The following CLNK variants were observed in gnomAD, a reference collection of about 807,000 sequenced individuals.
The protein encoded by CLNK is cytokine-dependent hematopoietic cell linker.
In CLNK, 74 loss-of-function variants were observed where a neutral mutation model predicts 68.6. The observed-to-expected ratio is 1.08, with a 90% CI of 0.89 to 1.31. The LOEUF (loss-of-function observed/expected upper bound fraction) is 1.31, where lower values mean the gene tolerates loss of function less well. Among genes scored for constraint, CLNK ranks in the 50% most tolerant of loss-of-function variants. CLNK has a pLI of 0.00. For synonymous variants in CLNK, 198 were observed against 172.2 expected (o/e 1.15, Z -1.17); for missense variants, 553 against 515.3 (o/e 1.07, Z -0.71).
chr4:10,608,739 G>A (rs942678992), intron 2 of CLNK, among the ~76,000 whole-genome samples: 6 of 152,176 alleles, frequency 3.9e-5, no homozygotes, highest in African/African-American at 1.4e-4. Context: ...ATTGCATTAG[G>A]CCTTGTCTGA....
intron 16 of CLNK, among the ~76,000 whole-genome samples, 162 bp from the exon 17 acceptor site, chr4:10,508,198 C>A (rs1017672850): frequency 6.6e-6 from 1 of 152,150 alleles, no homozygotes; most frequent in African/African-American, 2.4e-5. Flanking sequence ...TTGGAGAAGC[C>A]CACAGATGCT....
chr4:10,596,509 A>C (rs1721394097), intron 3 of CLNK, among the ~76,000 whole-genome samples: 1 of 152,196 alleles, frequency 6.6e-6, no homozygotes, highest in East Asian at 1.9e-4. Flanking sequence ...GATAATTATA[A>C]TTTTTACAGG....
In CLNK at chr4:10,523,890, T is replaced by G. The variant is rs557714649; in HGVS notation, c.731+1951A>C. ...GAGTACAAAAATTAGCTGGGCATGGTGGCATGTGCCTATAGTTCCAGCTAC... is the reference window on the plus strand; with the variant it reads ...GAGTACAAAAATTAGCTGGGCATGGGGGCATGTGCCTATAGTTCCAGCTAC... On this transcript the variant is annotated intron_variant, in intron 14 of 18. Transcript: ENST00000226951. 5.7e-4 allele frequency: 194 copies of G among 341,202 alleles called. 1 individual carries two copies. The highest frequency in any genetic ancestry group is 4.1e-3 in the African/African-American group (188 of 45,504). The allele number at this position is 341,202 out of a possible 1,614,324, so 21.1% of individuals were successfully genotyped here.
In CLNK at chr4:10,563,373, T is replaced by C. The variant is rs185585409; in HGVS notation, c.399+1298A>G. On this transcript the variant is annotated intron_variant, in intron 7 of 18. Coordinates refer to ENST00000226951, the MANE Select transcript of CLNK (RefSeq NM_052964.4). Reference sequence around the variant, plus strand: ...TTCTGGGATGGTAAATGGAAACAATTTTTTAGAAAGGAAATTTTACAATAC... The same window carrying C: ...TTCTGGGATGGTAAATGGAAACAATCTTTTAGAAAGGAAATTTTACAATAC... Among the ~76,000 whole-genome samples the C allele has an allele frequency of 3.6e-3, 555 of 152,288 alleles. 3 individuals carry two copies. Among genetic ancestry groups the C allele is most frequent in the African/African-American group, 0.012 (517 of 41,556 alleles).
chr4:10,690,799 A>C, the CLNK span, among the ~76,000 whole-genome samples: 3 of 152,168 alleles, frequency 2.0e-5, no homozygotes, highest in South Asian at 6.2e-4. Flanking sequence ...CACTGTCTCC[A>C]TGAGTCCCCT....
chr4:10,714,441 T>C, the CLNK span, among the ~76,000 whole-genome samples: 15 of 152,234 alleles, frequency 9.9e-5, no homozygotes, highest in African/African-American at 3.4e-4. Flanking sequence ...CCTATTTTCC[T>C]ACAAACTTCT....
At chr4:10,719,682 G>T in the CLNK span, among the ~76,000 whole-genome samples, 3 of 152,096 alleles carry the variant, frequency 2.0e-5, no homozygotes, top group Non-Finnish European at 4.4e-5. Flanking sequence ...AAACTATCAA[G>T]GGTATAGAAG....
the CLNK span, among the ~76,000 whole-genome samples, chr4:10,701,485 C>T: frequency 5.3e-3 from 800 of 152,266 alleles, 5 homozygotes; most frequent in African/African-American, 0.011. Flanking sequence ...AAAAATAAAA[C>T]GCAGTCCCCT....
At chr4:10,554,051 C>G (rs771732688) in intron 8 of CLNK, among the ~76,000 whole-genome samples, 2 of 152,160 alleles carry the variant, frequency 1.3e-5, no homozygotes, top group South Asian at 4.1e-4. Flanking sequence ...TATTTTAAAA[C>G]TTAACAAAAT....
the CLNK span, among the ~76,000 whole-genome samples, chr4:10,718,959 G>C: frequency 2.0e-5 from 3 of 152,178 alleles, no homozygotes; most frequent in Admixed American, 6.5e-5. Flanking sequence ...GACAACACCA[G>C]ACTGTGTTGA....
rs935319431 is a variant in CLNK at position 10,680,842 on chromosome 4, T to C, written c.-43+3826A>G. Among the ~76,000 whole-genome samples the C allele has an allele frequency of 2.0e-5, 3 of 152,160 alleles. No individual in the cohort carries two copies. The East Asian group carries it at 5.8e-4, about 29-fold the overall frequency. On this transcript the variant is annotated intron_variant, in intron 1 of 18. Coordinates refer to ENST00000226951, the MANE Select transcript of CLNK (RefSeq NM_052964.4). Reference sequence around the variant, plus strand: ...CCCACACTATCCATGTCTCAACGACTGGATGGCGTGGTATAGTGAAAACAG... The same window carrying C: ...CCCACACTATCCATGTCTCAACGACCGGATGGCGTGGTATAGTGAAAACAG...
intron 3 of CLNK, among the ~76,000 whole-genome samples, chr4:10,590,970 T>G (rs1721158642): frequency 1.3e-5 from 2 of 152,182 alleles, no homozygotes; most frequent in African/African-American, 4.8e-5. Context: ...GCAGATGGAT[T>G]AGCTGAGGTT....
rs146502691 is a variant in CLNK, at chr4:10,667,275, A to G, written c.11+584T>C. On this transcript the variant is annotated intron_variant, in intron 2 of 18. Transcript: ENST00000226951. The stretch of plus-strand genomic sequence containing the variant: ...CTGGTAAAATAAAGCAAATAAATAG[A>G]TAAGGAGATTAATTTTAAAACTGGT... 7.6e-4 allele frequency among the ~76,000 whole-genome samples: 115 copies of G among 152,302 alleles called. 1 individual carries two copies. Among genetic ancestry groups the G allele is most frequent in the Non-Finnish European group, 1.4e-3 (96 of 68,022 alleles).
chr4:10,697,914 G>A, the CLNK span, among the ~76,000 whole-genome samples: 1 of 152,170 alleles, frequency 6.6e-6, no homozygotes, highest in Admixed American at 6.5e-5. Context: ...CCAAGAAATT[G>A]TAGATACTAA....
Position 10,684,675 on chromosome 4 carries a change from G to A in CLNK, c.-50C>T, listed in dbSNP as rs1651626593. 6.6e-6 allele frequency: 1 copy of A among 152,194 alleles called. No individual in the cohort carries two copies. The highest frequency in any genetic ancestry group is 6.5e-5 in the Admixed American group (1 of 15,282). 9.4% of individuals were successfully genotyped at this position (152,194 alleles called of 1,614,324 possible). A position where few individuals can be genotyped will look rare whatever the true frequency, so the allele number is the denominator to read the frequency against. On this transcript the variant is annotated 5_prime_UTR_variant, in exon 1 of 19. Transcript: ENST00000226951. The stretch of plus-strand genomic sequence containing the variant: ...CTGGCCTAATGAGTTTACCTGAACA[G>A]CGTGGAGAGCACCAAGGGATCTAGG...
intron 8 of CLNK, among the ~76,000 whole-genome samples, chr4:10,546,472 G>T (rs1719235567): frequency 6.6e-6 from 1 of 152,100 alleles, no homozygotes; most frequent in African/African-American, 2.4e-5. Context: ...TCAATATCTT[G>T]CTCCTCAGTT....
At chr4:10,729,265 C>G in the CLNK span, among the ~76,000 whole-genome samples, 1,229 of 152,212 alleles carry the variant, frequency 8.1e-3, 14 homozygotes, top group African/African-American at 0.028. Context: ...CAAAAAATAA[C>G]AGATGTTGGA....
the CLNK span, among the ~76,000 whole-genome samples, chr4:10,725,057 G>T: frequency 2.0e-5 from 3 of 152,288 alleles, no homozygotes; most frequent in South Asian, 6.2e-4. Flanking sequence ...CCTTCTATCA[G>T]TTGAGCTCAC....
At chr4:10,674,325 C>A (rs1409094027) in intron 1 of CLNK, among the ~76,000 whole-genome samples, 1 of 152,102 alleles carries the variant, frequency 6.6e-6, no homozygotes, top group African/African-American at 2.4e-5. Context: ...ATTTCTCCAA[C>A]AAGAAAAAAC....
Sources: allele counts gnomAD v4.1 joint callset (sites outside exome capture counted in the v4.1 genomes callset), GRCh38; gene constraint gnomAD v4.1.1; transcripts MANE v1.5; gene names NCBI Gene and HGNC (gene_info 2026-07-23, HGNC 2026-07-21).